The following SGCZ variants were observed in gnomAD, a reference collection of about 807,000 sequenced individuals.
SGCZ encodes the protein sarcoglycan zeta, also known as zeta-sarcoglycan.
In SGCZ, 40 loss-of-function variants were observed where a neutral mutation model predicts 41.3. The observed-to-expected ratio is 0.97, with a 90% CI of 0.75 to 1.26. The LOEUF is 1.26. Among genes scored for constraint, SGCZ ranks in the 50% most tolerant of loss-of-function variants. The probability of loss-of-function intolerance (pLI) is 0.00; values close to 1 mark genes in which losing one functional copy is unlikely to be tolerated. For missense variants in SGCZ, 552 were observed against 369.8 expected, an observed-to-expected ratio of 1.49 and a Z score of -4.04; for synonymous variants, 206 against 137.5, an observed-to-expected ratio of 1.50 and a Z score of -3.49.
At chr8:14,857,481 A>G (rs1407761017) in intron 1 of SGCZ, among the ~76,000 whole-genome samples, 1 of 152,164 alleles carries the variant, frequency 6.6e-6, no homozygotes, top group Non-Finnish European at 1.5e-5. Flanking sequence ...TTTTTACAAG[A>G]CTAGTATTAA....
chr8:14,787,354 T>C (rs1472144175), intron 1 of SGCZ, among the ~76,000 whole-genome samples: 1 of 152,138 alleles, frequency 6.6e-6, no homozygotes, highest in Non-Finnish European at 1.5e-5. Flanking sequence ...GCTTTATTTA[T>C]TTCTTGTAGA....
At chr8:14,376,895 T>C (rs1804151949) in intron 2 of SGCZ, among the ~76,000 whole-genome samples, 1 of 152,196 alleles carries the variant, frequency 6.6e-6, no homozygotes, top group African/African-American at 2.4e-5. Context: ...ATTAACATAA[T>C]ATACCACAGT....
intron 3 of SGCZ, among the ~76,000 whole-genome samples, chr8:14,293,722 T>C (rs1312091105): frequency 6.6e-6 from 1 of 151,904 alleles, no homozygotes; most frequent in African/African-American, 2.4e-5. Context: ...AGGGGAATTA[T>C]TGATCTGAGA....
intron 3 of SGCZ, among the ~76,000 whole-genome samples, chr8:14,305,398 A>G (rs1250856320): frequency 6.6e-6 from 1 of 152,198 alleles, no homozygotes; most frequent in Non-Finnish European, 1.5e-5. Context: ...CCCTAAACCA[A>G]GACTTTTCAA....
chr8:14,410,847 C>G (rs948960850), intron 2 of SGCZ, among the ~76,000 whole-genome samples: 3 of 152,090 alleles, frequency 2.0e-5, no homozygotes, highest in Non-Finnish European at 4.4e-5. Context: ...TTCAACCACT[C>G]TTCTTTTCAA....
chr8:14,466,207 C>G (rs1801044707), intron 2 of SGCZ, among the ~76,000 whole-genome samples: 1 of 151,904 alleles, frequency 6.6e-6, no homozygotes, highest in East Asian at 1.9e-4. Flanking sequence ...GTCTTAATTT[C>G]TCCTTGACTA....
intron 7 of SGCZ, among the ~76,000 whole-genome samples, chr8:14,096,591 T>G (rs1383999849): frequency 6.6e-6 from 1 of 152,198 alleles, no homozygotes; most frequent in East Asian, 1.9e-4. Context: ...TCTGCCAGGT[T>G]TTGGTATCAG....
intron 1 of SGCZ, among the ~76,000 whole-genome samples, chr8:14,976,846 G>A (rs1376683054): frequency 6.6e-6 from 1 of 151,890 alleles, no homozygotes; most frequent in East Asian, 1.9e-4. Context: ...AGTGTAGATA[G>A]GCCAAGTTCA....
chr8:15,096,974 C>A (rs753791547), intron 1 of SGCZ, among the ~76,000 whole-genome samples: 1 of 152,080 alleles, frequency 6.6e-6, no homozygotes, highest in Non-Finnish European at 1.5e-5. Flanking sequence ...TGTGAGCCAC[C>A]GCACCTAGCC....
At chr8:14,524,957 C>T (rs1802895029) in intron 2 of SGCZ, among the ~76,000 whole-genome samples, 1 of 152,058 alleles carries the variant, frequency 6.6e-6, no homozygotes, top group East Asian at 1.9e-4. Context: ...GAGTTCAAAA[C>T]ATTAATTACT....
chr8:14,413,583 T>A, intron 2 of SGCZ, among the ~76,000 whole-genome samples: 1 of 152,166 alleles, frequency 6.6e-6, no homozygotes. Flanking sequence ...ATATTACAAC[T>A]TAAGTAGTTT....
intron 1 of SGCZ, among the ~76,000 whole-genome samples, chr8:15,000,988 A>C (rs533296869): frequency 1.3e-5 from 2 of 152,326 alleles, no homozygotes; most frequent in East Asian, 3.9e-4. Flanking sequence ...TAGCCACTTC[A>C]CCAGTATCAA....
chr8:15,187,561 G>A (rs1039439381), intron 1 of SGCZ, among the ~76,000 whole-genome samples: 1 of 151,948 alleles, frequency 6.6e-6, no homozygotes, highest in Non-Finnish European at 1.5e-5. Flanking sequence ...TAGTATTTAT[G>A]ACAGTGCTTC....
rs10602435 is a variant in SGCZ, at chr8:14,410,540, TA to T, written c.235-86337del. 2.5e-3 allele frequency among the ~76,000 whole-genome samples: 354 copies of T among 142,146 alleles called. 1 individual carries two copies. The highest frequency in any genetic ancestry group is 3.9e-3 in the Admixed American group (55 of 14,264). 93.3% of individuals were successfully genotyped at this position (142,146 alleles called of 152,430 possible). ...AATGCTGTGTAATTCTAAGTTAATATAAAAAAAAAAAAACAGAAGTTCTACA... is the reference window on the plus strand; with the variant it reads ...AATGCTGTGTAATTCTAAGTTAATATAAAAAAAAAAAACAGAAGTTCTACA... On this transcript the variant is annotated intron_variant, in intron 2 of 7. Transcript: ENST00000382080.
intron 1 of SGCZ, among the ~76,000 whole-genome samples, chr8:14,602,893 A>T (rs186588272): frequency 1.3e-5 from 2 of 152,314 alleles, no homozygotes; most frequent in East Asian, 3.9e-4. Context: ...AGGAAGTAAC[A>T]CTATCAACTA....
chr8:14,477,845 C>T (rs1801405527), intron 2 of SGCZ, among the ~76,000 whole-genome samples: 1 of 152,168 alleles, frequency 6.6e-6, no homozygotes, highest in Non-Finnish European at 1.5e-5. Context: ...TCATCACCAA[C>T]TTAATATCAC....
In SGCZ at chr8:14,554,843, A is replaced by G; in HGVS notation, c.123T>C (p.Ile41=). The change falls in exon 2 of 8, where the codon ATT becomes ATC. Residue 41 remains isoleucine (I), a synonymous_variant. Coordinates refer to ENST00000382080, the MANE Select transcript of SGCZ (RefSeq NM_139167.4). ...TENAQLYPVG[I]YGWRKRCLYF... ...ATAAGCACCTCTTTCGCCATCCATA[A>G]ATTCCCACTGGGTAAAGTTGTGCAT... 6.2e-7 allele frequency: 1 copy of G among 1,613,344 alleles called. No individual in the cohort carries two copies. Among genetic ancestry groups the G allele is most frequent in the East Asian group, 2.2e-5 (1 of 44,822 alleles).
intron 1 of SGCZ, among the ~76,000 whole-genome samples, chr8:15,035,863 G>A (rs1803856832): frequency 6.6e-6 from 1 of 152,040 alleles, no homozygotes; most frequent in South Asian, 2.1e-4. Context: ...CAAAGAGAGG[G>A]ATAGACTGTA....
intron 4 of SGCZ, among the ~76,000 whole-genome samples, chr8:14,185,247 C>T (rs952802906): frequency 4.6e-5 from 7 of 151,664 alleles, no homozygotes; most frequent in Non-Finnish European, 8.8e-5. Context: ...TAAAAAGATA[C>T]AAAAAAATTA....
Sources: allele counts gnomAD v4.1 joint callset (sites outside exome capture counted in the v4.1 genomes callset), GRCh38; gene constraint gnomAD v4.1.1; transcripts MANE v1.5; gene names NCBI Gene and HGNC (gene_info 2026-07-23, HGNC 2026-07-21).